The following MUSK variants were observed in gnomAD, a reference collection of about 807,000 sequenced individuals.
The protein encoded by MUSK is muscle associated receptor tyrosine kinase.
In MUSK, 55 loss-of-function variants were observed where a neutral mutation model predicts 88.7. That is an observed-to-expected ratio of 0.62 (90% CI 0.50 to 0.78). MUSK has a LOEUF of 0.78. Ranked by LOEUF, MUSK falls within the 30% of genes least tolerant of loss-of-function variation. The pLI is 0.00. For missense variants in MUSK, 1,015 were observed against 1,074.3 expected, an observed-to-expected ratio of 0.94 and a Z score of 0.77; for synonymous variants, 387 against 391.9, an observed-to-expected ratio of 0.99 and a Z score of 0.15.
At position 110,768,018 on chromosome 9, in the gene MUSK, G is replaced by T. The variant is rs747717789; in HGVS notation, c.1119G>T (p.Leu373Phe). ...TCTGCCGGCCAGCTGCTGAGGCTTT[G>T]TTGTGTAACCACATCTTCCAGGAGT... is the stretch of plus-strand genomic sequence containing the variant. ...SPVCRPAAEALLCNHIFQECS... is the reference protein window; with the variant it reads ...SPVCRPAAEAFLCNHIFQECS... Residue 373 changes from leucine to phenylalanine, a missense_variant, in exon 9 of 15, where the codon TTG becomes TTT. By Grantham distance (22) the Leu-to-Phe change is conservative. Coordinates refer to ENST00000374448, the MANE Select transcript of MUSK (RefSeq NM_005592.4). 6 of 1,613,880 alleles carry T rather than the reference G, an allele frequency of 3.7e-6. No individual in the cohort carries two copies. Among genetic ancestry groups the T allele is most frequent in the Non-Finnish European group, 5.1e-6 (6 of 1,179,888 alleles).
chr9:110,709,969 A>ACC (rs11452265), intron 5 of MUSK, among the ~76,000 whole-genome samples: 18 of 151,690 alleles, frequency 1.2e-4, no homozygotes, highest in Admixed American at 6.6e-4. Flanking sequence ...ACATAGTGAG[A>ACC]CCCCCCTCTC....
chr9:110,743,612 T>C (rs1014968682), intron 6 of MUSK, among the ~76,000 whole-genome samples: 4 of 152,226 alleles, frequency 2.6e-5, no homozygotes, highest in African/African-American at 9.6e-5. Context: ...AGAAGAATTT[T>C]ATAAAATAAA....
At chr9:110,697,567 CA>C in intron 5 of MUSK, 101 bp downstream of exon 5, 1 of 1,231,386 alleles carries the variant, frequency 8.1e-7, no homozygotes, top group South Asian at 2.2e-5. Context: ...GTGGGCAGCC[CA>C]CTTCCCTCAG....
chr9:110,745,064 C>G (rs781563015), intron 6 of MUSK, among the ~76,000 whole-genome samples: 2 of 152,152 alleles, frequency 1.3e-5, no homozygotes, highest in African/African-American at 4.8e-5. Flanking sequence ...GCCTGCTGTG[C>G]GTGAGTCACA....
At chr9:110,712,159 G>GA (rs35254603) in intron 5 of MUSK, among the ~76,000 whole-genome samples, 12,388 of 141,760 alleles carry the variant, frequency 0.087, 1,604 homozygotes, top group African/African-American at 0.3. Flanking sequence ...TGTTTATTCT[G>GA]AAAAAAAAAA....
intron 4 of MUSK, among the ~76,000 whole-genome samples, chr9:110,696,462 G>A (rs751613530): frequency 2.6e-5 from 4 of 152,098 alleles, no homozygotes; most frequent in Admixed American, 1.3e-4. Context: ...ATACAAAGGT[G>A]TCACTTTATG....
intron 11 of MUSK, among the ~76,000 whole-genome samples, chr9:110,777,567 T>TA (rs900942971): frequency 1.7e-4 from 26 of 151,726 alleles, no homozygotes; most frequent in Non-Finnish European, 7.4e-5. Context: ...ATCGAAGGAA[T>TA]AAAAAAAAAT....
In MUSK at chr9:110,767,834, A is replaced by T. The variant is rs1362784498; in HGVS notation, c.935A>T (p.Asp312Val). 3 of 1,614,040 alleles carry T rather than the reference A, an allele frequency of 1.9e-6. No homozygotes were observed. Among genetic ancestry groups the T allele is most frequent in the Non-Finnish European group, 2.5e-6 (3 of 1,179,892 alleles). The part of the protein sequence containing the change: ...SIAEWSKPQK[D>V]NKGYCAQYRG... ...TCTTCTTTCAGTAAACCACAGAAAG[A>T]TAACAAAGGCTACTGCGCCCAGTAC... The change falls in exon 9 of 15, where the codon GAT becomes GTT. Residue 312 changes from aspartate (D) to valine (V), a missense_variant. Physicochemically the swap from Asp to Val is radical, Grantham distance 152 (BLOSUM62 -3). Transcript: ENST00000374448.
At chr9:110,746,871 A>T (rs935593829) in intron 6 of MUSK, among the ~76,000 whole-genome samples, 1 of 152,198 alleles carries the variant, frequency 6.6e-6, no homozygotes, top group Admixed American at 6.5e-5. Context: ...TTTTCCTGAC[A>T]ACCATCCACC....
intron 6 of MUSK, among the ~76,000 whole-genome samples, chr9:110,735,797 A>G (rs2077023826): frequency 6.6e-6 from 1 of 152,134 alleles, no homozygotes; most frequent in African/African-American, 2.4e-5. Flanking sequence ...GGCAGAAAGC[A>G]AAGTGGGAGC....
Position 110,805,973 on chromosome 9 carries a change from A to G in MUSK, c.*4985A>G, listed in dbSNP as rs1184022812. ...ATAATCTTGGTTAGTTTATTTTTAA[A>G]TAATTGTTATTTATGAAAGTAATAC... On this transcript the variant is annotated 3_prime_UTR_variant, in exon 15 of 15. Coordinates refer to ENST00000374448, the MANE Select transcript of MUSK (RefSeq NM_005592.4). Among the ~76,000 whole-genome samples, 2 of 151,994 alleles carry G rather than the reference A, an allele frequency of 1.3e-5. No homozygotes were observed. The highest frequency in any genetic ancestry group is 4.8e-5 in the African/African-American group (2 of 41,420).
chr9:110,704,938 T>C (rs925944411), intron 5 of MUSK, among the ~76,000 whole-genome samples: 2 of 150,860 alleles, frequency 1.3e-5, no homozygotes, highest in African/African-American at 4.9e-5. Context: ...TGAGCAGAGA[T>C]TGTGCCACTG....
In MUSK at chr9:110,775,818, C is replaced by T. The variant is rs1484974390; in HGVS notation, c.1215C>T (p.Phe405=). ...REYCLAVKEL[F]CAKEWLVMEE... ...ACTGCTTGGCAGTAAAGGAGCTCTT[C>T]TGCGCAAAAGAATGGCTGGTAATGG... Residue 405 remains phenylalanine (F), a synonymous_variant, in exon 10 of 15, where the codon TTC becomes TTT. Coordinates refer to ENST00000374448, the MANE Select transcript of MUSK (RefSeq NM_005592.4). 7.4e-6 allele frequency: 12 copies of T among 1,613,902 alleles called. No individual in the cohort carries two copies. Among genetic ancestry groups the T allele is most frequent in the Non-Finnish European group, 1.0e-5 (12 of 1,179,836 alleles).
At chr9:110,780,191 CTTCTTT>C (rs1331336557) in intron 11 of MUSK, among the ~76,000 whole-genome samples, 2 of 152,140 alleles carry the variant, frequency 1.3e-5, no homozygotes, top group East Asian at 1.9e-4. Context: ...GTTTTTGCTT[CTTCTTT>C]TTCTTTTTCT....
At chr9:110,689,389 A>T (rs1159219088) in intron 3 of MUSK, among the ~76,000 whole-genome samples, 2 of 117,386 alleles carry the variant, frequency 1.7e-5, no homozygotes, top group Non-Finnish European at 3.2e-5. Context: ...TAAAAAATAT[A>T]AAAATATGTG....
At chr9:110,760,307 A>G (rs1330460989) in intron 7 of MUSK, among the ~76,000 whole-genome samples, 1 of 152,218 alleles carries the variant, frequency 6.6e-6, no homozygotes, top group African/African-American at 2.4e-5. Context: ...TGTGGAATCA[A>G]CCTAAATGCC....
Position 110,697,352 on chromosome 9 carries a change from T to A in MUSK, c.514T>A (p.Ser172Thr). 6.2e-7 allele frequency: 1 copy of A among 1,612,844 alleles called. No homozygotes were observed. The highest frequency in any genetic ancestry group is 2.2e-5 in the East Asian group (1 of 44,842). Residue 172 changes from serine to threonine, a missense_variant, in exon 5 of 15, where the codon TCT (serine) becomes ACT (threonine). By Grantham distance (58) the Ser-to-Thr change is moderately conservative. Transcript: ENST00000374448. The stretch of plus-strand genomic sequence containing the variant: ...AAATTCCCGAATTGCAGTTCTTGAA[T>A]CTGGGAGCTTGAGGATTCATAACGT... ...RENSRIAVLE[S>T]GSLRIHNVQK...
intron 1 of MUSK, among the ~76,000 whole-genome samples, chr9:110,675,572 T>TC (rs1451826964): frequency 7.6e-6 from 1 of 131,218 alleles, no homozygotes; most frequent in Non-Finnish European, 1.6e-5. Flanking sequence ...CTTTTTTTTT[T>TC]TTTTTTTTTT....
Position 110,802,393 on chromosome 9 carries a change from A to G in MUSK, c.*1405A>G, listed in dbSNP as rs1284842978. On this transcript the variant is annotated 3_prime_UTR_variant, in exon 15 of 15. Coordinates refer to ENST00000374448, the MANE Select transcript of MUSK (RefSeq NM_005592.4). Reference sequence around the variant, plus strand: ...AAACGAACAGGGAAGAGAAAATAACAGTCTACTCTATACCAGCTTATCTTA... The same window carrying G: ...AAACGAACAGGGAAGAGAAAATAACGGTCTACTCTATACCAGCTTATCTTA... Among the ~76,000 whole-genome samples the G allele has an allele frequency of 6.6e-6, 1 of 152,174 alleles. No individual in the cohort carries two copies. The highest frequency in any genetic ancestry group is 1.5e-5 in the Non-Finnish European group (1 of 68,028).
Sources: gnomAD v4.1 joint callset for allele counts (sites outside exome capture counted in the v4.1 genomes callset) on GRCh38, gnomAD v4.1.1 for gene constraint, MANE v1.5 for transcripts, NCBI Gene and HGNC (gene_info 2026-07-23, HGNC 2026-07-21) for gene names.